Variants in ASAP1 observed in about 807,000 individuals in gnomAD.
ASAP1 encodes the protein ArfGAP with SH3 domain, ankyrin repeat and PH domain 1.
Under a neutral mutation model 145.2 loss-of-function variants are expected in ASAP1, and 43 were observed. That is an observed-to-expected ratio of 0.30 (90% CI 0.23 to 0.38). ASAP1 has a LOEUF of 0.38. Among genes scored for constraint, ASAP1 ranks in the 10% least tolerant of loss-of-function variants. ASAP1 has a pLI of 1.00. For synonymous variants in ASAP1, 546 were observed against 515.5 expected, an observed-to-expected ratio of 1.06 and a Z score of -0.80; for missense variants, 1,018 against 1,355.3, an observed-to-expected ratio of 0.75 and a Z score of 3.91.
At chr8:130,074,947 T>A (rs1347782288) in intron 27 of ASAP1, among the ~76,000 whole-genome samples, 3 of 151,280 alleles carry the variant, frequency 2.0e-5, no homozygotes, top group Non-Finnish European at 4.4e-5. Flanking sequence ...CATCAGGGAG[T>A]GACTTTGGTG....
intron 4 of ASAP1, among the ~76,000 whole-genome samples, chr8:130,232,735 AT>A (rs2136630062): frequency 6.6e-6 from 1 of 152,310 alleles, no homozygotes; most frequent in South Asian, 2.1e-4. Flanking sequence ...ATGTTTAGCC[AT>A]TTTTCAAATC....
chr8:130,088,880 G>A (rs955557230), intron 25 of ASAP1, among the ~76,000 whole-genome samples: 6 of 152,098 alleles, frequency 3.9e-5, no homozygotes, highest in African/African-American at 1.2e-4. Context: ...ACTATTACTA[G>A]CCCCATATTA....
chr8:130,413,686 T>C (rs891608012), intron 1 of ASAP1, among the ~76,000 whole-genome samples: 1 of 152,150 alleles, frequency 6.6e-6, no homozygotes, highest in Non-Finnish European at 1.5e-5. Context: ...TGTGCCTGCA[T>C]AAAGTTTCAC....
chr8:130,419,512 G>A (rs1022464417), intron 1 of ASAP1, among the ~76,000 whole-genome samples: 2 of 152,172 alleles, frequency 1.3e-5, no homozygotes, highest in South Asian at 4.1e-4. Context: ...TTGGGGAGAT[G>A]CCAACATAGG....
intron 3 of ASAP1, among the ~76,000 whole-genome samples, chr8:130,333,714 A>G (rs1202307384): frequency 6.6e-6 from 1 of 152,260 alleles, no homozygotes; most frequent in African/African-American, 2.4e-5. Context: ...TATACAAGTC[A>G]CAACACCAGA....
intron 16 of ASAP1, among the ~76,000 whole-genome samples, 183 bp downstream of exon 16, chr8:130,127,744 T>A (rs1209482821): frequency 6.6e-6 from 1 of 152,046 alleles, no homozygotes; most frequent in African/African-American, 2.4e-5. Flanking sequence ...GCTTTCCAGG[T>A]AGAGAAAACA....
At chr8:130,355,209 A>C (rs1826233186) in intron 3 of ASAP1, among the ~76,000 whole-genome samples, 1 of 152,182 alleles carries the variant, frequency 6.6e-6, no homozygotes, top group Admixed American at 6.5e-5. Flanking sequence ...TCTACTTCCA[A>C]GAGTGCTCAT....
At chr8:130,328,438 A>C (rs1041924168) in intron 3 of ASAP1, among the ~76,000 whole-genome samples, 3 of 152,260 alleles carry the variant, frequency 2.0e-5, no homozygotes, top group South Asian at 4.1e-4. Flanking sequence ...AAAGTAATTA[A>C]ATTTTGCTGA....
At chr8:130,310,144 G>A in intron 3 of ASAP1, among the ~76,000 whole-genome samples, 1 of 147,114 alleles carries the variant, frequency 6.8e-6, no homozygotes, top group South Asian at 2.2e-4. Context: ...TTTTTGGGGG[G>A]GGGAGGGGGG....
At chr8:130,393,121 C>T (rs983236077) in intron 2 of ASAP1, among the ~76,000 whole-genome samples, 2 of 151,922 alleles carry the variant, frequency 1.3e-5, no homozygotes, top group Middle Eastern at 3.2e-3. Flanking sequence ...TCCTTCTGCC[C>T]CTAATTTGTT....
chr8:130,425,217 A>G (rs1829871710), intron 1 of ASAP1, among the ~76,000 whole-genome samples: 1 of 151,814 alleles, frequency 6.6e-6, no homozygotes, highest in Non-Finnish European at 1.5e-5. Context: ...CTGTAATCCC[A>G]GCTACTTGGG....
At chr8:130,196,071 G>A (rs1352229815) in intron 5 of ASAP1, among the ~76,000 whole-genome samples, 1 of 152,236 alleles carries the variant, frequency 6.6e-6, no homozygotes, top group Non-Finnish European at 1.5e-5. Flanking sequence ...GTCGGGCACA[G>A]TGGCTCACGC....
At chr8:130,080,969 G>A (rs1354377418) in intron 25 of ASAP1, among the ~76,000 whole-genome samples, 1 of 152,176 alleles carries the variant, frequency 6.6e-6, no homozygotes. Flanking sequence ...CTATGTGCAA[G>A]GCATAAATGT....
At chr8:130,187,019 C>T (rs562431983) in intron 7 of ASAP1, among the ~76,000 whole-genome samples, 25 of 152,312 alleles carry the variant, frequency 1.6e-4, no homozygotes, top group Non-Finnish European at 2.5e-4. Context: ...CCTCTCCCTT[C>T]AGACAAATAG....
chr8:130,320,498 C>T (rs1823934056), intron 3 of ASAP1, among the ~76,000 whole-genome samples: 1 of 151,648 alleles, frequency 6.6e-6, no homozygotes, highest in Non-Finnish European at 1.5e-5. Flanking sequence ...GAGGTTGCAG[C>T]GAGCACCACT....
At chr8:130,139,941 A>C (rs1250314203) in intron 13 of ASAP1, among the ~76,000 whole-genome samples, 1 of 150,922 alleles carries the variant, frequency 6.6e-6, no homozygotes, top group Non-Finnish European at 1.5e-5. Flanking sequence ...AAAAACAACA[A>C]AAAAACACCA....
At chr8:130,119,081 G>A (rs191349429) in intron 18 of ASAP1, among the ~76,000 whole-genome samples, 80 of 151,936 alleles carry the variant, frequency 5.3e-4, no homozygotes, top group African/African-American at 1.8e-3. Context: ...GATTTTGGTC[G>A]TCTGATATAA....
In ASAP1 at chr8:130,388,395, A is replaced by G. The variant is rs190489713; in HGVS notation, c.59+13490T>C. Among the ~76,000 whole-genome samples the G allele has an allele frequency of 1.9e-4, 29 of 152,232 alleles. No homozygotes were observed. In the East Asian group the frequency reaches 4.1e-3, roughly 21 times the overall value. On this transcript the variant is annotated intron_variant, in intron 2 of 29. Transcript: ENST00000518721. The stretch of plus-strand genomic sequence containing the variant: ...GGGGTGCAGCATGAGCTGCAAGAGG[A>G]GTGAGGAGAATAATCCATGTTGGAC...
chr8:130,167,681 A>C, intron 10 of ASAP1, 59 bp from the exon 11 acceptor site: 1 of 1,285,112 alleles, frequency 7.8e-7, no homozygotes, highest in South Asian at 1.2e-5. Context: ...GCAGAGTTTA[A>C]TTTATCCAAA....
Sources: gnomAD v4.1 joint callset for allele counts (sites outside exome capture counted in the v4.1 genomes callset) on GRCh38, gnomAD v4.1.1 for gene constraint, MANE v1.5 for transcripts, NCBI Gene and HGNC (gene_info 2026-07-23, HGNC 2026-07-21) for gene names.